The following RB1CC1 variants were observed in gnomAD, a reference collection of about 807,000 sequenced individuals.
RB1CC1 encodes RB1 inducible coiled-coil 1.
Under a neutral mutation model 177.5 loss-of-function variants are expected in RB1CC1, and 46 were observed. That is an observed-to-expected ratio of 0.26 (90% CI 0.20 to 0.33). The LOEUF is 0.33. Among genes scored for constraint, RB1CC1 ranks in the 10% least tolerant of loss-of-function variants. The pLI is 1.00. For missense variants in RB1CC1, 1,703 were observed against 1,816.3 expected, an observed-to-expected ratio of 0.94 and a Z score of 1.13; for synonymous variants, 666 against 613.6, an observed-to-expected ratio of 1.09 and a Z score of -1.26.
intron 8 of RB1CC1, among the ~76,000 whole-genome samples, chr8:52,667,544 T>C (rs960999601): frequency 7.2e-5 from 11 of 152,210 alleles, no homozygotes; most frequent in Non-Finnish European, 1.6e-4. Flanking sequence ...CCACTCTTAC[T>C]TAGCCATTCC....
intron 16 of RB1CC1, 82 bp downstream of exon 16, chr8:52,645,620 T>A: frequency 7.2e-7 from 1 of 1,388,736 alleles, no homozygotes. Context: ...TAAGAAACCC[T>A]CAGCTACATA....
intron 18 of RB1CC1, among the ~76,000 whole-genome samples, chr8:52,638,191 A>C (rs964531892): frequency 6.6e-6 from 1 of 152,152 alleles, no homozygotes; most frequent in East Asian, 1.9e-4. Flanking sequence ...TTATGATGAA[A>C]GGCTGTTGGG....
chr8:52,655,404 C>A (rs929958388), intron 15 of RB1CC1, among the ~76,000 whole-genome samples: 7 of 152,030 alleles, frequency 4.6e-5, no homozygotes, highest in Non-Finnish European at 1.0e-4. Flanking sequence ...ATACTAAAAA[C>A]CATCTTCTGT....
At chr8:52,684,488 T>G (rs771868730) in intron 3 of RB1CC1, among the ~76,000 whole-genome samples, 1 of 152,208 alleles carries the variant, frequency 6.6e-6, no homozygotes, top group Admixed American at 6.5e-5. Context: ...TTATTCTGCA[T>G]TGCCATAAAG....
In RB1CC1 at chr8:52,657,584, T is replaced by A. The variant is rs2150481345; in HGVS notation, c.2245A>T (p.Asn749Tyr). 1 of 1,614,096 alleles carries A rather than the reference T, an allele frequency of 6.2e-7. No homozygotes were observed. ...GGGCTTTGTGGATCACTTATAGGAT[T>A]AGGAGACGACAAATTTTCTTCTATT... is the stretch of plus-strand genomic sequence containing the variant. ...FVIEENLSSP[N>Y]PISDPQSPEM... is the part of the protein sequence containing the mutation. The change falls in exon 15 of 24, where the codon AAT becomes TAT. Residue 749 changes from asparagine to tyrosine, a missense_variant. Asn to Tyr is a moderately radical substitution (Grantham distance 143). This residue lies in a region of RB1CC1 where 1,169 missense variants were observed against 1,184.7 expected (regional missense o/e 0.99). Transcript: ENST00000025008.
At chr8:52,645,572 T>A in intron 16 of RB1CC1, 130 bp downstream of exon 16, 1 of 970,480 alleles carries the variant, frequency 1.0e-6, no homozygotes, top group Non-Finnish European at 1.5e-6. Context: ...AGGAAATTTA[T>A]TAACAGGATC....
In RB1CC1 at chr8:52,656,554, A is replaced by C; in HGVS notation, c.3275T>G (p.Leu1092Arg). 1 of 1,611,170 alleles carries C rather than the reference A, an allele frequency of 6.2e-7. No homozygotes were observed. The highest frequency in any genetic ancestry group is 8.5e-7 in the Non-Finnish European group (1 of 1,179,208). The part of the protein sequence containing the change: ...RAQQKETLKS[L>R]LEQETENLRT... The stretch of plus-strand genomic sequence containing the variant: ...CAAATTTTCTGTCTCTTGTTCAAGA[A>C]GAGATTTCAAGGTCTCCTTCTGCTG... Residue 1092 changes from leucine to arginine, a missense_variant, in exon 15 of 24, where the codon CTT (leucine) becomes CGT (arginine). Physicochemically the swap from Leu to Arg is moderately radical, Grantham distance 102 (BLOSUM62 -2). This residue lies in a region of RB1CC1 where 1,169 missense variants were observed against 1,184.7 expected (regional missense o/e 0.99). Transcript: ENST00000025008.
intron 20 of RB1CC1, among the ~76,000 whole-genome samples, chr8:52,633,042 C>G (rs1296194054): frequency 6.6e-6 from 1 of 152,200 alleles, no homozygotes; most frequent in East Asian, 1.9e-4. Context: ...TGTCTCTTAT[C>G]TACCTATGAC....
intron 9 of RB1CC1, 98 bp from the exon 10 acceptor site, chr8:52,661,379 C>T: frequency 1.3e-6 from 2 of 1,498,556 alleles, no homozygotes; most frequent in Middle Eastern, 1.8e-4. Flanking sequence ...CCAAAGAAAT[C>T]AAGATATATA....
At chr8:52,663,646 A>G (rs532541671) in intron 8 of RB1CC1, among the ~76,000 whole-genome samples, 2 of 152,122 alleles carry the variant, frequency 1.3e-5, no homozygotes, top group East Asian at 1.9e-4. Flanking sequence ...CTTTTCACCA[A>G]ACACATTCTA....
At chr8:52,689,644 C>T (rs1448848017) in intron 1 of RB1CC1, among the ~76,000 whole-genome samples, 1 of 152,158 alleles carries the variant, frequency 6.6e-6, no homozygotes, top group Non-Finnish European at 1.5e-5. Flanking sequence ...CACAACTTTT[C>T]ACCCTCATCC....
chr8:52,678,430 C>A (rs960051115), intron 5 of RB1CC1, among the ~76,000 whole-genome samples: 15 of 151,876 alleles, frequency 9.9e-5, no homozygotes, highest in East Asian at 3.9e-4. Flanking sequence ...AAAACAACAA[C>A]AAAAAAAGTA....
In RB1CC1 at chr8:52,684,025, G is replaced by A. The variant is rs776213256; in HGVS notation, c.72-12C>T. On this transcript the variant is annotated splice_polypyrimidine_tract_variant and intron_variant, in intron 3 of 23. Transcript: ENST00000025008. ...TAAGGTCTGCCACACTTCAAAAAAT[G>A]AAATAAAATAAATCAGTTGTTTATA... The A allele has an allele frequency of 1.8e-5, 29 of 1,607,200 alleles. No individual in the cohort carries two copies. The South Asian group carries it at 2.9e-4, about 16-fold the overall frequency.
intron 22 of RB1CC1, among the ~76,000 whole-genome samples, chr8:52,627,275 A>T (rs1848462305): frequency 6.6e-6 from 1 of 152,204 alleles, no homozygotes; most frequent in African/African-American, 2.4e-5. Context: ...TGAACCTGGG[A>T]GGCAGAGGTT....
At chr8:52,669,883 T>C (rs1016074346) in intron 7 of RB1CC1, among the ~76,000 whole-genome samples, 1 of 151,934 alleles carries the variant, frequency 6.6e-6, no homozygotes, top group Admixed American at 6.5e-5. Flanking sequence ...TAATAATTCA[T>C]TGAAAGTATA....
chr8:52,699,857 A>ATC (rs1855886885), intron 1 of RB1CC1, among the ~76,000 whole-genome samples: 1 of 138,354 alleles, frequency 7.2e-6, no homozygotes. Flanking sequence ...ATATATATAT[A>ATC]TACACACAAA....
intron 1 of RB1CC1, among the ~76,000 whole-genome samples, chr8:52,701,677 C>T (rs1436690648): frequency 1.3e-5 from 2 of 151,906 alleles, no homozygotes; most frequent in African/African-American, 4.8e-5. Flanking sequence ...ACAGGTGTGA[C>T]TCACCATGCT....
intron 7 of RB1CC1, among the ~76,000 whole-genome samples, chr8:52,673,230 G>GC (rs1385495730): frequency 6.6e-6 from 1 of 152,164 alleles, no homozygotes; most frequent in African/African-American, 2.4e-5. Flanking sequence ...AATGAAACAT[G>GC]CCCCATCAAC....
rs533111461 is a variant in RB1CC1 at position 52,624,016 on chromosome 8, T to C, written c.4708-157A>G. 5.5e-4 allele frequency among the ~76,000 whole-genome samples: 84 copies of C among 151,802 alleles called. 1 individual carries two copies. Among genetic ancestry groups the C allele is most frequent in the African/African-American group, 1.9e-3 (77 of 41,504 alleles). ...CTATCATATTACTCATTGCTGAGTA[T>C]TGAGGGGTTGGAGGGATGTGGGGGT... On this transcript the variant is annotated intron_variant, in intron 23 of 23. Coordinates refer to ENST00000025008, the MANE Select transcript of RB1CC1 (RefSeq NM_014781.5).
Sources: allele counts gnomAD v4.1 joint callset (sites outside exome capture counted in the v4.1 genomes callset), GRCh38; gene constraint gnomAD v4.1.1; regional missense constraint gnomAD v4.1.1; transcripts MANE v1.5; gene names NCBI Gene and HGNC (gene_info 2026-07-23, HGNC 2026-07-21).